RGS20: variants seen among roughly 807,000 people sequenced by gnomAD.
The protein encoded by RGS20 is regulator of G protein signaling 20, also known as gz-selective GTPase-activating protein.
Under a neutral mutation model 33.6 loss-of-function variants are expected in RGS20, and 30 were observed. The observed-to-expected ratio is 0.89, with a 90% CI of 0.67 to 1.21. RGS20 has a LOEUF of 1.21. Ranked by LOEUF, RGS20 falls within the 50% of genes most tolerant of loss-of-function variation. The probability of loss-of-function intolerance (pLI) is 0.00; values close to 1 mark genes in which losing one functional copy is unlikely to be tolerated. For missense variants in RGS20, 472 were observed against 502.4 expected, an observed-to-expected ratio of 0.94 and a Z score of 0.58; for synonymous variants, 208 against 197.9, an observed-to-expected ratio of 1.05 and a Z score of -0.43.
At chr8:53,893,125 A>T (rs984118034) in intron 2 of RGS20, among the ~76,000 whole-genome samples, 2 of 152,210 alleles carry the variant, frequency 1.3e-5, no homozygotes, top group African/African-American at 4.8e-5. Flanking sequence ...AGAAAACAAT[A>T]TTAAAAAATA....
chr8:53,949,714 CTCAATCAA>C (rs953911471), intron 4 of RGS20, among the ~76,000 whole-genome samples: 2 of 151,378 alleles, frequency 1.3e-5, no homozygotes, highest in Non-Finnish European at 2.9e-5. Flanking sequence ...AAGACTCTGC[CTCAATCAA>C]TCAATCAATC....
At chr8:53,913,031 ACT>A (rs914295178) in intron 2 of RGS20, among the ~76,000 whole-genome samples, 4 of 151,618 alleles carry the variant, frequency 2.6e-5, no homozygotes, top group Admixed American at 2.6e-4. Context: ...AGTGGTGCAA[ACT>A]CAGCTCACTG....
chr8:53,859,395 T>C (rs1811758685), intron 1 of RGS20, among the ~76,000 whole-genome samples: 1 of 152,180 alleles, frequency 6.6e-6, no homozygotes, highest in Non-Finnish European at 1.5e-5. Flanking sequence ...GGTTTGTTTG[T>C]CTTTTCATTG....
intron 2 of RGS20, chr8:53,881,041 C>T (rs748847309): frequency 3.2e-6 from 5 of 1,570,524 alleles, no homozygotes; most frequent in Admixed American, 1.9e-5. Context: ...GGAGGCGAGC[C>T]GGCCGGGGCT....
chr8:53,939,464 G>T, intron 2 of RGS20, 112 bp from the exon 2 acceptor site: 1 of 1,178,290 alleles, frequency 8.5e-7, no homozygotes, highest in Non-Finnish European at 1.1e-6. Context: ...AAAATGACCT[G>T]AATGTAGTCG....
chr8:53,899,536 G>A (rs1386236019), intron 2 of RGS20, among the ~76,000 whole-genome samples: 2 of 152,162 alleles, frequency 1.3e-5, no homozygotes, highest in Non-Finnish European at 2.9e-5. Flanking sequence ...ATCACTCCAA[G>A]AAGAGACCCA....
At chr8:53,946,528 G>A (rs780172129) in intron 3 of RGS20, 137 bp from the exon 3 acceptor site, 2 of 791,150 alleles carry the variant, frequency 2.5e-6, no homozygotes, top group South Asian at 1.4e-5. Flanking sequence ...AAAACTAACT[G>A]GGGTCATTTT....
chr8:53,933,152 G>A (rs2129289100), intron 2 of RGS20, among the ~76,000 whole-genome samples: 1 of 152,094 alleles, frequency 6.6e-6, no homozygotes, highest in Non-Finnish European at 1.5e-5. Context: ...TGAAGATGAG[G>A]AAAAACCAGT....
intron 1 of RGS20, among the ~76,000 whole-genome samples, chr8:53,857,713 C>A (rs1811709269): frequency 6.6e-6 from 1 of 152,120 alleles, no homozygotes; most frequent in Non-Finnish European, 1.5e-5. Context: ...CTCATTGGAG[C>A]ATTTCAGATT....
chr8:53,858,717 A>G (rs1195202778), intron 1 of RGS20, among the ~76,000 whole-genome samples: 1 of 152,010 alleles, frequency 6.6e-6, no homozygotes, highest in Non-Finnish European at 1.5e-5. Context: ...TTTAGAAACA[A>G]TTGAGACGCC....
At chr8:53,868,748 T>C (rs1381235229) in intron 1 of RGS20, among the ~76,000 whole-genome samples, 3 of 152,066 alleles carry the variant, frequency 2.0e-5, no homozygotes, top group African/African-American at 4.8e-5. Flanking sequence ...TATAGCAGTT[T>C]GGACAAATGC....
chr8:53,897,691 G>A (rs888586291), intron 2 of RGS20, among the ~76,000 whole-genome samples: 1 of 152,116 alleles, frequency 6.6e-6, no homozygotes, highest in East Asian at 1.9e-4. Flanking sequence ...AATTGGACCT[G>A]CTGCCCCGTC....
intron 2 of RGS20, among the ~76,000 whole-genome samples, chr8:53,919,368 G>T: frequency 6.9e-6 from 1 of 144,946 alleles, no homozygotes. Flanking sequence ...TTTTGAGACA[G>T]TCTTGCTCTG....
chr8:53,938,133 C>A (rs187057932), intron 2 of RGS20, among the ~76,000 whole-genome samples: 1 of 152,262 alleles, frequency 6.6e-6, no homozygotes, highest in East Asian at 1.9e-4. Context: ...TGAACCAACC[C>A]AAATGCCCAT....
rs1812047885 is a variant in RGS20 at position 53,870,903 on chromosome 8, G to A, written c.166-8355G>A. Among the ~76,000 whole-genome samples, 4 of 151,658 alleles carry A rather than the reference G, an allele frequency of 2.6e-5. No homozygotes were observed. In the South Asian group the frequency reaches 8.4e-4, roughly 32 times the overall value. On this transcript the variant is annotated intron_variant, in intron 1 of 5. Coordinates refer to ENST00000297313, the MANE Select transcript of RGS20 (RefSeq NM_170587.4). ...TGAGGTAGGTGGTTCACGAGCTCAG[G>A]AGTTCAAGACCAGCCTGGCCAAGAT... is the stretch of plus-strand genomic sequence containing the variant.
intron 2 of RGS20, among the ~76,000 whole-genome samples, chr8:53,924,951 T>G (rs1813752193): frequency 6.6e-6 from 1 of 152,092 alleles, no homozygotes; most frequent in Non-Finnish European, 1.5e-5. Context: ...AAGAGGAGAT[T>G]CTTCTCAACT....
intron 2 of RGS20, chr8:53,880,244 G>C (rs1812322853): frequency 6.6e-6 from 1 of 152,426 alleles, no homozygotes; most frequent in Admixed American, 6.5e-5. Flanking sequence ...AAGGGGACGC[G>C]GAGGGCGACT....
At chr8:53,886,877 T>A (rs1812560570) in intron 2 of RGS20, 1 of 152,244 alleles carries the variant, frequency 6.6e-6, no homozygotes, top group African/African-American at 2.4e-5. Flanking sequence ...TGGAAAGAAT[T>A]ATGTAACCTA....
intron 4 of RGS20, among the ~76,000 whole-genome samples, chr8:53,948,331 A>AC (rs1814597585): frequency 7.5e-6 from 1 of 133,648 alleles, no homozygotes; most frequent in African/African-American, 3.1e-5. Flanking sequence ...TGCTATATAT[A>AC]AGACAGTATA....
Sources: gnomAD v4.1 joint callset for allele counts (sites outside exome capture counted in the v4.1 genomes callset) on GRCh38, gnomAD v4.1.1 for gene constraint, MANE v1.5 for transcripts, NCBI Gene and HGNC (gene_info 2026-07-23, HGNC 2026-07-21) for gene names.